The following TTLL11 variants were observed in gnomAD, a reference collection of about 807,000 sequenced individuals.
TTLL11 encodes the protein tubulin polyglutamylase TTLL11.
TTLL11 carries 42 observed loss-of-function variants against 51.7 expected under a neutral mutation model. The ratio of observed to expected loss-of-function variants is 0.81; its 90% CI spans 0.64 to 1.05. The LOEUF is 1.05. Ranked by LOEUF, TTLL11 falls within the 50% of genes least tolerant of loss-of-function variation. The probability of loss-of-function intolerance (pLI) is 0.00; values close to 1 mark genes in which losing one functional copy is unlikely to be tolerated. For synonymous variants in TTLL11, 381 were observed against 383.5 expected (o/e 0.99, Z 0.08); for missense variants, 799 against 940.4 (o/e 0.85, Z 1.97).
intron 8 of TTLL11, among the ~76,000 whole-genome samples, chr9:121,844,872 G>T (rs4436194): frequency 6.6e-6 from 1 of 151,530 alleles, no homozygotes; most frequent in Non-Finnish European, 1.5e-5. Context: ...CAGGAACAGT[G>T]GGACAATGAC....
At chr9:122,018,173 C>T (rs577148815) in intron 3 of TTLL11, among the ~76,000 whole-genome samples, 4 of 143,032 alleles carry the variant, frequency 2.8e-5, no homozygotes, top group Non-Finnish European at 4.5e-5. Flanking sequence ...AGTGCAGTGG[C>T]TCAATCTCCA....
At chr9:122,041,232 T>C (rs1305419855) in intron 1 of TTLL11, among the ~76,000 whole-genome samples, 1 of 152,222 alleles carries the variant, frequency 6.6e-6, no homozygotes, top group Non-Finnish European at 1.5e-5. Flanking sequence ...ATATGGGGGA[T>C]ATAATTTTAA....
chr9:122,023,001 C>G (rs1844222653), intron 3 of TTLL11, among the ~76,000 whole-genome samples: 1 of 151,506 alleles, frequency 6.6e-6, no homozygotes. Context: ...CCACTAAAAA[C>G]AAAACAACTA....
chr9:121,860,454 T>C lies in TTLL11; in HGVS notation c.1734-11A>G, dbSNP rs1417096149. The C allele has an allele frequency of 4.5e-6, 7 of 1,549,362 alleles. No homozygotes were observed. The highest frequency in any genetic ancestry group is 1.4e-5 in the African/African-American group (1 of 73,032). On this transcript the variant is annotated splice_polypyrimidine_tract_variant and intron_variant, in intron 7 of 8. Coordinates refer to ENST00000321582, the MANE Select transcript of TTLL11 (RefSeq NM_001139442.2). ...CTGAGTTTGCAGCTCCTGCCAACAA[T>C]GGGAAGTGACATGTCACTGCCAGCC...
At chr9:122,061,168 C>T (rs1845424094) in intron 1 of TTLL11, among the ~76,000 whole-genome samples, 1 of 152,194 alleles carries the variant, frequency 6.6e-6, no homozygotes, top group South Asian at 2.1e-4. Context: ...TGTCTGTCTT[C>T]TCCTTTTCTG....
intron 6 of TTLL11, among the ~76,000 whole-genome samples, chr9:121,876,431 T>A (rs1338230301): frequency 1.3e-5 from 2 of 152,148 alleles, no homozygotes; most frequent in Non-Finnish European, 2.9e-5. Context: ...AAGAGTGAGG[T>A]GGACACAGTC....
At chr9:121,999,392 C>T (rs1843392826) in intron 3 of TTLL11, among the ~76,000 whole-genome samples, 1 of 152,162 alleles carries the variant, frequency 6.6e-6, no homozygotes, top group African/African-American at 2.4e-5. Flanking sequence ...TCTCTCAAAT[C>T]TACCCCTCCT....
chr9:122,084,098 C>T (rs997904559), intron 1 of TTLL11, among the ~76,000 whole-genome samples: 8 of 152,136 alleles, frequency 5.3e-5, no homozygotes, highest in African/African-American at 1.9e-4. Context: ...GAAATAGAAT[C>T]TCCCTATGAG....
intron 6 of TTLL11, among the ~76,000 whole-genome samples, chr9:121,939,593 T>G (rs1197779509): frequency 6.6e-6 from 1 of 151,838 alleles, no homozygotes; most frequent in African/African-American, 2.4e-5. Context: ...GAGTGAGAGA[T>G]CCAAAGTAGA....
In TTLL11 at chr9:121,860,361, T is replaced by C; in HGVS notation, c.1816A>G (p.Met606Val). 6.4e-7 allele frequency: 1 copy of C among 1,551,550 alleles called. No individual in the cohort carries two copies. The highest frequency in any genetic ancestry group is 1.2e-5 in the South Asian group (1 of 84,020). The change falls in exon 8 of 9, where the codon ATG (methionine) becomes GTG (valine). Residue 606 changes from methionine to valine, a missense_variant. Physicochemically the swap from Met to Val is conservative, Grantham distance 21. This residue lies in a region of TTLL11 where 165 missense variants were observed against 166.1 expected (regional missense o/e 0.99). Coordinates refer to ENST00000321582, the MANE Select transcript of TTLL11 (RefSeq NM_001139442.2). ...YIDITRRWNS[M>V]TLDQRDSGMC... ...CCTGAGTCCCGCTGGTCCAGGGTCA[T>C]GGAGTTCCACCTCCGTGTGATGTCA... is the stretch of plus-strand genomic sequence containing the variant.
At chr9:121,830,751 T>A (rs1346923431) in intron 8 of TTLL11, among the ~76,000 whole-genome samples, 1 of 152,180 alleles carries the variant, frequency 6.6e-6, no homozygotes, top group Non-Finnish European at 1.5e-5. Flanking sequence ...CCCTTCCCTG[T>A]CTGGGCTATG....
rs77405767 is a variant in TTLL11, at chr9:121,962,971, C to T, written c.1481+11038G>A. On this transcript the variant is annotated intron_variant, in intron 6 of 8. Transcript: ENST00000321582. ...GGAATGCTAACGCCTTGCAGGCACC[C>T]ATCTCTTTCATGTGCTAAATATCTG... 7.5e-3 allele frequency among the ~76,000 whole-genome samples: 1,147 copies of T among 152,316 alleles called. 12 individuals are homozygous for T. The highest frequency in any genetic ancestry group is 0.027 in the African/African-American group (1,105 of 41,558).
At chr9:121,992,105 C>T (rs758436785) in intron 3 of TTLL11, among the ~76,000 whole-genome samples, 1 of 152,162 alleles carries the variant, frequency 6.6e-6, no homozygotes, top group Non-Finnish European at 1.5e-5. Context: ...GTATGGCCAT[C>T]CAGGAACTAT....
At chr9:121,979,482 CT>C (rs1249650212) in intron 4 of TTLL11, among the ~76,000 whole-genome samples, 3 of 152,166 alleles carry the variant, frequency 2.0e-5, no homozygotes, top group African/African-American at 7.2e-5. Context: ...CTAAAATCTC[CT>C]TTGTTTTCTG....
chr9:121,834,585 T>G (rs1032315548), intron 8 of TTLL11, among the ~76,000 whole-genome samples: 1 of 151,628 alleles, frequency 6.6e-6, no homozygotes, highest in Non-Finnish European at 1.5e-5. Flanking sequence ...TCCCAGCACT[T>G]TGGGAGGCCA....
At chr9:121,851,036 TAA>T (rs1837652209) in intron 8 of TTLL11, among the ~76,000 whole-genome samples, 1 of 152,096 alleles carries the variant, frequency 6.6e-6, no homozygotes, top group Non-Finnish European at 1.5e-5. Flanking sequence ...TGGCAAGCCA[TAA>T]AAGACATGGA....
At chr9:121,872,586 T>C (rs947411648) in intron 6 of TTLL11, among the ~76,000 whole-genome samples, 4 of 152,172 alleles carry the variant, frequency 2.6e-5, no homozygotes, top group African/African-American at 9.7e-5. Context: ...CGAAACAACA[T>C]GCGTGATAGC....
At chr9:121,971,526 G>T (rs1842576629) in intron 6 of TTLL11, among the ~76,000 whole-genome samples, 2 of 140,470 alleles carry the variant, frequency 1.4e-5, no homozygotes, top group South Asian at 4.5e-4. Context: ...CTACTGGGAA[G>T]TGAGGAGCCC....
At chr9:121,971,762 G>GAAA (rs1842585975) in intron 6 of TTLL11, among the ~76,000 whole-genome samples, 1 of 98,482 alleles carries the variant, frequency 1.0e-5, no homozygotes, top group Admixed American at 1.0e-4. Flanking sequence ...AAAAAAAAAA[G>GAAA]AAAATGTGGC....
Sources: gnomAD v4.1 joint callset for allele counts (sites outside exome capture counted in the v4.1 genomes callset) on GRCh38, gnomAD v4.1.1 for gene constraint, gnomAD v4.1.1 regional missense constraint, MANE v1.5 for transcripts, NCBI Gene and HGNC (gene_info 2026-07-23, HGNC 2026-07-21) for gene names.